The following RGL3 variants were observed in gnomAD, a reference collection of about 807,000 sequenced individuals.
RGL3 encodes ral guanine nucleotide dissociation stimulator like 3.
A neutral mutation model predicts 90.6 loss-of-function variants in RGL3; 85 were observed. That is an observed-to-expected ratio of 0.94 (90% confidence interval 0.79 to 1.12). RGL3 has a LOEUF of 1.12. Among genes scored for constraint, RGL3 ranks in the 50% most tolerant of loss-of-function variants. RGL3 has a pLI of 0.00. For missense variants in RGL3, 1,034 were observed against 939.2 expected, an observed-to-expected ratio of 1.10 and a Z score of -1.32; for synonymous variants, 408 against 385.5, an observed-to-expected ratio of 1.06 and a Z score of -0.68.
chr19:11,398,788 A>G (rs972083779), intron 16 of RGL3, among the ~76,000 whole-genome samples: 2 of 152,044 alleles, frequency 1.3e-5, no homozygotes, highest in Non-Finnish European at 2.9e-5. Context: ...CTCCTGCCTC[A>G]GCCTCCCAAG....
rs143362235 is a variant in RGL3, at chr19:11,402,654, G to T, written c.1238C>A (p.Pro413His). The T allele has an allele frequency of 2.4e-5, 39 of 1,613,762 alleles. No individual in the cohort carries two copies. The highest frequency in any genetic ancestry group is 6.7e-5 in the Admixed American group (4 of 59,906). Residue 413 changes from proline to histidine, a missense_variant, in exon 10 of 19, where the codon CCC becomes CAC. Physicochemically the swap from Pro to His is moderately conservative, Grantham distance 77 (BLOSUM62 -2). Coordinates refer to ENST00000380456, the MANE Select transcript of RGL3 (RefSeq NM_001035223.4). Reference protein sequence around the residue: ...QEEDNTPGSLPSKPPPGPVPY... With the variant: ...QEEDNTPGSLHSKPPPGPVPY... ...TCCCAAACTGTAATCACTCACTGAG[G>T]GCAGGCTGCCTGGGGTGTTGTCCTC...
intron 7 of RGL3, 89 bp from the exon 8 acceptor site, chr19:11,405,515 TTTTTTTTTTTTTTTTTTTTTTTTTGA>T: frequency 1.5e-6 from 1 of 683,376 alleles, no homozygotes; most frequent in Non-Finnish European, 2.0e-6. Context: ...TTTTTTTTTT[TTTTTTTTTTTTTTTTTTTTTTTTTGA>T]GAGATAGGGT....
chr19:11,416,000 G>C lies in RGL3; in HGVS notation c.574C>G (p.Leu192Val). Residue 192 changes from leucine (L) to valine (V), a missense_variant, in exon 5 of 19, where the codon CTG becomes GTG. By Grantham distance (32) the Leu-to-Val change is conservative. Coordinates refer to ENST00000380456, the MANE Select transcript of RGL3 (RefSeq NM_001035223.4). ...TCAGCCTCCTCCAAAAAATCTTCCA[G>C]AAGCTTCTCTGCTTTTTGAGCCTCA... is the stretch of plus-strand genomic sequence containing the variant. Reference protein sequence around the residue: ...SAEAQKAEKLLEDFLEEAERE... With the variant: ...SAEAQKAEKLVEDFLEEAERE... The C allele has an allele frequency of 6.2e-7, 1 of 1,613,982 alleles. No homozygotes were observed. The highest frequency in any genetic ancestry group is 8.5e-7 in the Non-Finnish European group (1 of 1,179,994).
In RGL3 at chr19:11,416,932, A is replaced by G; in HGVS notation, c.275T>C (p.Phe92Ser). ...GTAGGTGGCCAGGAAGGCGGGCATG[A>G]AGCTGGGGTCCTGCTCACGGTCTCC... is the stretch of plus-strand genomic sequence containing the variant. ...VFGDREQDPS[F>S]MPAFLATYRT... Residue 92 changes from phenylalanine (F) to serine (S), a missense_variant, in exon 3 of 19, where the codon TTC becomes TCC. Physicochemically the swap from Phe to Ser is radical, Grantham distance 155. Coordinates refer to ENST00000380456, the MANE Select transcript of RGL3 (RefSeq NM_001035223.4). 2 of 1,614,042 alleles carry G rather than the reference A, an allele frequency of 1.2e-6. No homozygotes were observed. Among genetic ancestry groups the G allele is most frequent in the Non-Finnish European group, 1.7e-6 (2 of 1,180,006 alleles).
At chr19:11,402,592 C>T (rs780747713) in intron 10 of RGL3, 51 bp from the exon 11 acceptor site, 1 of 1,611,686 alleles carries the variant, frequency 6.2e-7, no homozygotes, top group Non-Finnish European at 8.5e-7. Flanking sequence ...ACCCCATCAC[C>T]ATCCACAACC....
intron 5 of RGL3, among the ~76,000 whole-genome samples, chr19:11,415,416 C>T (rs1184477668): frequency 6.6e-6 from 1 of 151,748 alleles, no homozygotes; most frequent in African/African-American, 2.4e-5. Context: ...CACAGAGCAT[C>T]CTGACCCAAC....
Position 11,418,773 on chromosome 19 carries a change from C to T in RGL3, c.45G>A (p.Gln15=). The change falls in exon 2 of 19, where the codon CAG becomes CAA. Residue 15 remains glutamine (Q), a synonymous_variant. Coordinates refer to ENST00000380456, the MANE Select transcript of RGL3 (RefSeq NM_001035223.4). ...AGKELALAPL[Q]DWGEETEDGA... is the part of the protein sequence containing the mutation. ...CGTCCTCGGTCTCTTCACCCCAGTC[C>T]TGCAGCGGTGCCTGGACGCACAGGC... 6.4e-7 allele frequency: 1 copy of T among 1,551,526 alleles called. No homozygotes were observed. The highest frequency in any genetic ancestry group is 1.2e-5 in the South Asian group (1 of 84,654).
intron 5 of RGL3, among the ~76,000 whole-genome samples, chr19:11,413,231 GAAAAA>G (rs765531257): frequency 2.2e-5 from 2 of 89,206 alleles, no homozygotes; most frequent in East Asian, 4.7e-4. Context: ...TTTTGAAAAA[GAAAAA>G]AAAAAAAAAA....
At chr19:11,408,846 C>A (rs1968826475) in intron 5 of RGL3, 1 of 152,178 alleles carries the variant, frequency 6.6e-6, no homozygotes. Flanking sequence ...TCTACTCTTT[C>A]CCCCCTTCTC....
chr19:11,398,423 G>A (rs140137080), intron 16 of RGL3, among the ~76,000 whole-genome samples: 135 of 151,922 alleles, frequency 8.9e-4, no homozygotes, highest in African/African-American at 2.8e-3. Context: ...TCAGCTCACT[G>A]CAACCTCTGC....
At chr19:11,411,626 T>A (rs1268441675) in intron 5 of RGL3, among the ~76,000 whole-genome samples, 1 of 152,158 alleles carries the variant, frequency 6.6e-6, no homozygotes, top group Non-Finnish European at 1.5e-5. Context: ...AGACTGGGTA[T>A]TTTTTCTGTT....
At chr19:11,405,077 C>A (rs1968746258) in intron 9 of RGL3, 70 bp downstream of exon 9, 3 of 1,249,716 alleles carry the variant, frequency 2.4e-6, no homozygotes, top group Non-Finnish European at 3.5e-6. Flanking sequence ...GGAGATTACC[C>A]CTGCCTGGCC....
At chr19:11,403,409 C>T (rs1174105828) in intron 9 of RGL3, among the ~76,000 whole-genome samples, 1 of 149,124 alleles carries the variant, frequency 6.7e-6, no homozygotes, top group Non-Finnish European at 1.5e-5. Flanking sequence ...GAGGCCGAGG[C>T]TGGTGGATCA....
chr19:11,396,132 C>CTATATATA (rs1214766433), intron 18 of RGL3, among the ~76,000 whole-genome samples: 20 of 38,680 alleles, frequency 5.2e-4, no homozygotes, highest in South Asian at 1.4e-3. Context: ...CTCTCTCTCT[C>CTATATATA]TCTCTATATA....
rs1318530620 is a variant in RGL3, at chr19:11,416,103, C to A, written c.471G>T (p.Gln157His). 1.2e-6 allele frequency: 2 copies of A among 1,602,396 alleles called. No homozygotes were observed. The highest frequency in any genetic ancestry group is 1.7e-6 in the Non-Finnish European group (2 of 1,175,052). ...AATGGGCAGGGTGGTCTCGGAAATCCTGAGGGTGGTCCTGCAGCCAGGAGC... is the reference window on the plus strand; with the variant it reads ...AATGGGCAGGGTGGTCTCGGAAATCATGAGGGTGGTCCTGCAGCCAGGAGC... The part of the protein sequence containing the change: ...VLGSWLQDHP[Q>H]DFRDHPAHSD... Residue 157 changes from glutamine (Q) to histidine (H), a missense_variant, in exon 5 of 19, where the codon CAG becomes CAT. Transcript: ENST00000380456.
intron 18 of RGL3, 88 bp from the exon 19 acceptor site, chr19:11,394,608 G>T: frequency 5.2e-6 from 5 of 956,970 alleles, no homozygotes; most frequent in African/African-American, 1.6e-5. Context: ...CCACTCACCC[G>T]CGAACCTGAA....
Position 11,400,189 on chromosome 19 carries a change from C to A in RGL3, c.1580+13G>T. The A allele has an allele frequency of 6.3e-7, 1 of 1,576,746 alleles. No homozygotes were observed. The highest frequency in any genetic ancestry group is 2.3e-5 in the East Asian group (1 of 43,438). On this transcript the variant is annotated intron_variant, in intron 14 of 18. Transcript: ENST00000380456. ...GCCCACATCACCGCCCCTACACACA[C>A]CCCGAGACTCACGCACTGAGACGCT...
At chr19:11,414,492 T>TATATATATATATATACACCTTC (rs1968950853) in intron 5 of RGL3, among the ~76,000 whole-genome samples, 1 of 13,588 alleles carries the variant, frequency 7.4e-5, no homozygotes, top group African/African-American at 3.3e-4. Context: ...TACACCTTCA[T>TATATATATATATATACACCTTC]ATATATATAT....
chr19:11,401,070 C>T (rs1196044407), intron 13 of RGL3, among the ~76,000 whole-genome samples: 1 of 150,708 alleles, frequency 6.6e-6, no homozygotes, highest in Non-Finnish European at 1.5e-5. Context: ...GTCAGAGAGT[C>T]AGATGAGGGG....
Sources: allele counts gnomAD v4.1 joint callset (sites outside exome capture counted in the v4.1 genomes callset), GRCh38; gene constraint gnomAD v4.1.1; transcripts MANE v1.5; gene names NCBI Gene and HGNC (gene_info 2026-07-23, HGNC 2026-07-21).